Variants in MEF2C observed in about 807,000 individuals in gnomAD.
MEF2C encodes the protein myocyte-specific enhancer factor 2C.
In MEF2C, 6 loss-of-function variants were observed where a neutral mutation model predicts 50.5. That is an observed-to-expected ratio of 0.12 (90% CI 0.07 to 0.23). The LOEUF (loss-of-function observed/expected upper bound fraction) is 0.23, where lower values mean the gene tolerates loss of function less well. Ranked by LOEUF, MEF2C falls within the 10% of genes least tolerant of loss-of-function variation. The pLI is 1.00. For missense variants in MEF2C, 276 were observed against 605.0 expected (o/e 0.46, Z 5.70); for synonymous variants, 183 against 228.0 (o/e 0.80, Z 1.78).
At chr5:88,893,227 A>G (rs1582027633) in intron 1 of MEF2C, among the ~76,000 whole-genome samples, 1 of 152,314 alleles carries the variant, frequency 6.6e-6, no homozygotes, top group South Asian at 2.1e-4. Flanking sequence ...CCAAGTTAAG[A>G]CAGAAGAGTT....
chr5:88,739,544 A>G, intron 6 of MEF2C: 1 of 983,892 alleles, frequency 1.0e-6, no homozygotes, highest in African/African-American at 1.7e-5. Flanking sequence ...AAATTACTTT[A>G]AATTGTGTAT....
At chr5:88,775,973 T>C (rs1784548604) in intron 3 of MEF2C, 3 of 198,692 alleles carry the variant, frequency 1.5e-5, no homozygotes, top group Non-Finnish European at 2.7e-5. Flanking sequence ...AGCCAAATGT[T>C]TCACCATTAT....
rs567705722 is a variant in MEF2C, at chr5:88,790,438, C to T, written c.258+14160G>A. 6.6e-5 allele frequency among the ~76,000 whole-genome samples: 10 copies of T among 152,286 alleles called. No homozygotes were observed. In the South Asian group the frequency reaches 2.1e-3, roughly 32 times the overall value. On this transcript the variant is annotated intron_variant, in intron 3 of 10. Transcript: ENST00000504921. Reference sequence around the variant, plus strand: ...CACTGAGTTAGAATCAGCATTTTAGCAAGATACTCTGGTGATTCACACTGG... The same window carrying T: ...CACTGAGTTAGAATCAGCATTTTAGTAAGATACTCTGGTGATTCACACTGG...
chr5:88,836,262 A>G (rs540823425), intron 1 of MEF2C, among the ~76,000 whole-genome samples: 17 of 152,248 alleles, frequency 1.1e-4, no homozygotes, highest in Non-Finnish European at 2.2e-4. Flanking sequence ...ATATTATAAC[A>G]AAAAATTGCA....
At chr5:88,812,476 C>A (rs983438994) in intron 2 of MEF2C, among the ~76,000 whole-genome samples, 1 of 152,032 alleles carries the variant, frequency 6.6e-6, no homozygotes, top group African/African-American at 2.4e-5. Context: ...TAGAAACTTA[C>A]ATTTGGTAAA....
chr5:88,786,945 T>C (rs1392207629), intron 3 of MEF2C, among the ~76,000 whole-genome samples: 2 of 152,216 alleles, frequency 1.3e-5, no homozygotes, highest in Non-Finnish European at 2.9e-5. Context: ...GTTCAGATAA[T>C]TGGGTATCAT....
At chr5:88,809,410 A>T (rs1801847657) in intron 2 of MEF2C, among the ~76,000 whole-genome samples, 1 of 152,188 alleles carries the variant, frequency 6.6e-6, no homozygotes, top group Non-Finnish European at 1.5e-5. Flanking sequence ...AGCAATATTT[A>T]TTGAATATTC....
intron 1 of MEF2C, among the ~76,000 whole-genome samples, chr5:88,842,592 T>A (rs1817781179): frequency 8.2e-6 from 1 of 122,354 alleles, no homozygotes; most frequent in South Asian, 2.5e-4. Flanking sequence ...TGAGAATTCA[T>A]TCAACAGCCA....
At chr5:88,748,083 A>G (rs781133782) in intron 6 of MEF2C, 2 of 985,142 alleles carry the variant, frequency 2.0e-6, no homozygotes, top group Admixed American at 1.2e-4. Flanking sequence ...TATTCAGTGA[A>G]TTAGTGAAGA....
chr5:88,871,993 C>A (rs1449738320), intron 1 of MEF2C, among the ~76,000 whole-genome samples: 2 of 151,894 alleles, frequency 1.3e-5, no homozygotes, highest in Non-Finnish European at 2.9e-5. Context: ...ACAATTCATT[C>A]ATTTATTCAA....
At chr5:88,808,257 A>G (rs1160732245) in intron 2 of MEF2C, among the ~76,000 whole-genome samples, 1 of 152,204 alleles carries the variant, frequency 6.6e-6, no homozygotes, top group African/African-American at 2.4e-5. Context: ...GAATACGTTC[A>G]ATACAGAAGG....
At chr5:88,866,151 C>T (rs1827297202) in intron 1 of MEF2C, among the ~76,000 whole-genome samples, 1 of 152,320 alleles carries the variant, frequency 6.6e-6, no homozygotes, top group East Asian at 1.9e-4. Context: ...CGGCCTTGGC[C>T]TCCCAAAGTG....
intron 1 of MEF2C, among the ~76,000 whole-genome samples, chr5:88,902,766 C>T (rs1395199895): frequency 6.6e-6 from 1 of 151,500 alleles, no homozygotes; most frequent in East Asian, 1.9e-4. Context: ...GGAGTCTTTT[C>T]TTTCTTAAGC....
At chr5:88,832,817 C>G (rs1813591309) in intron 1 of MEF2C, among the ~76,000 whole-genome samples, 1 of 152,124 alleles carries the variant, frequency 6.6e-6, no homozygotes, top group South Asian at 2.1e-4. Flanking sequence ...AACAAATACA[C>G]TGTATTTATA....
At chr5:88,899,031 C>T (rs1467490047) in intron 1 of MEF2C, among the ~76,000 whole-genome samples, 1 of 152,100 alleles carries the variant, frequency 6.6e-6, no homozygotes, top group Non-Finnish European at 1.5e-5. Context: ...AAAAATTTTC[C>T]TGTCATTCTA....
intron 3 of MEF2C, among the ~76,000 whole-genome samples, chr5:88,795,808 C>T (rs1795796592): frequency 6.6e-6 from 1 of 152,096 alleles, no homozygotes; most frequent in Admixed American, 6.6e-5. Flanking sequence ...TTTTGAGATA[C>T]ATTCCATCAA....
intron 8 of MEF2C, chr5:88,729,593 A>T: frequency 4.4e-6 from 2 of 459,224 alleles, no homozygotes; most frequent in Non-Finnish European, 7.9e-6. Flanking sequence ...CAAGTACCAT[A>T]GCTTTATTAT....
intron 1 of MEF2C, among the ~76,000 whole-genome samples, chr5:88,848,166 T>C (rs1447300131): frequency 4.6e-5 from 7 of 152,162 alleles, no homozygotes; most frequent in African/African-American, 1.7e-4. Context: ...ATAGAATAAT[T>C]TGCCATTTAA....
At chr5:88,802,598 C>T (rs751592445) in intron 3 of MEF2C, among the ~76,000 whole-genome samples, 6 of 152,160 alleles carry the variant, frequency 3.9e-5, no homozygotes, top group Non-Finnish European at 8.8e-5. Context: ...ACATGTGTGC[C>T]ACCATGCCTG....
Sources: allele counts gnomAD v4.1 joint callset (sites outside exome capture counted in the v4.1 genomes callset), GRCh38; gene constraint gnomAD v4.1.1; transcripts MANE v1.5; gene names NCBI Gene and HGNC (gene_info 2026-07-23, HGNC 2026-07-21).